The following FAM53A variants were observed in gnomAD, a reference collection of about 807,000 sequenced individuals.
FAM53A encodes family with sequence similarity 53 member A.
FAM53A carries 28 observed loss-of-function variants against 26.6 expected under a neutral mutation model. The ratio of observed to expected loss-of-function variants is 1.05; its 90% CI spans 0.78 to 1.45. The LOEUF (loss-of-function observed/expected upper bound fraction) is 1.45, where lower values mean the gene tolerates loss of function less well. FAM53A is among the 40% of genes most tolerant of loss of function. The pLI, the probability that FAM53A is intolerant of heterozygous loss-of-function variation, is 0.00. For synonymous variants in FAM53A, 290 were observed against 253.1 expected (o/e 1.15, Z -1.38); for missense variants, 650 against 575.8 (o/e 1.13, Z -1.32).
rs567920563 is a variant in FAM53A, at chr4:1,630,432, G to A, written c.432-12321C>T. Among the ~76,000 whole-genome samples the A allele has an allele frequency of 3.3e-5, 5 of 152,358 alleles. No homozygotes were observed. The highest frequency in any genetic ancestry group is 1.2e-4 in the African/African-American group (5 of 41,572). On this transcript the variant is annotated intron_variant, in intron 1 of 1. Transcript: ENST00000489029. The surrounding 1 kb of genome is among the most constrained non-coding windows in gnomAD (Gnocchi z 4.3). ...ATCAAACTCTACGGAAACAGGCCGC[G>A]TCTGTATGTGGCCAGTGGGCCGCGG... is the stretch of plus-strand genomic sequence containing the variant.
chr4:1,580,564 C>A, the FAM53A span, among the ~76,000 whole-genome samples: 1 of 148,700 alleles, frequency 6.7e-6, no homozygotes, highest in African/African-American at 2.5e-5. Context: ...CCCCACCTCC[C>A]GCCCTAGGCC....
chr4:1,621,235 C>T (rs1715018723), intron 1 of FAM53A, among the ~76,000 whole-genome samples: 1 of 151,270 alleles, frequency 6.6e-6, no homozygotes. Context: ...TCCCGCATAA[C>T]TGGGACTACA....
At chr4:1,615,484 G>A (rs1231003823), downstream of FAM53A, among the ~76,000 whole-genome samples, 4 of 135,042 alleles carry the variant, frequency 3.0e-5, no homozygotes, top group African/African-American at 1.2e-4. Flanking sequence ...ATGCAGCCAC[G>A]CCCACCTCAC....
At chr4:1,650,306 GAGGTGGCACAGGCATA>G (rs1167712852) in intron 4 of FAM53A, among the ~76,000 whole-genome samples, 12 of 144,660 alleles carry the variant, frequency 8.3e-5, no homozygotes, top group Non-Finnish European at 1.5e-5. Context: ...TGGTGTTTGT[GAGGTGGCACAGGCATA>G]GTGTTTGACT....
At chr4:1,644,306 G>A (rs776216638) in intron 4 of FAM53A, 32 of 1,535,846 alleles carry the variant, frequency 2.1e-5, no homozygotes, top group Middle Eastern at 1.7e-4. Context: ...CCGAGGCCTC[G>A]GACGCGGGAC....
At chr4:1,581,492 A>C in the FAM53A span, among the ~76,000 whole-genome samples, 1 of 152,236 alleles carries the variant, frequency 6.6e-6, no homozygotes, top group Non-Finnish European at 1.5e-5. Flanking sequence ...CTGTTACCTG[A>C]ATTTTCTCTT....
At chr4:1,635,284 G>GT (rs111704381), downstream of FAM53A, among the ~76,000 whole-genome samples, 144 of 151,314 alleles carry the variant, frequency 9.5e-4, 2 homozygotes, top group Non-Finnish European at 1.5e-3. Context: ...GTTTTGTTTT[G>GT]TTTTTTTGAG....
At position 1,659,526 on chromosome 4, in the gene FAM53A, A is replaced by G. The variant is rs1310440665; in HGVS notation, c.76-2058T>C. Among the ~76,000 whole-genome samples, 2 of 152,182 alleles carry G rather than the reference A, an allele frequency of 1.3e-5. No individual in the cohort carries two copies. On this transcript the variant is annotated intron_variant, in intron 2 of 4. Transcript: ENST00000308132. This position sits in a 1 kb window ranked among gnomAD's most constrained non-coding sequence, Gnocchi z 5.2. ...GAGCCACAGGCCCGCACGGTCCCAA[A>G]TGTGACCACCTCTATGCAAAGACAC...
At chr4:1,644,615 A>G in intron 4 of FAM53A, 1 of 433,330 alleles carries the variant, frequency 2.3e-6, no homozygotes. Flanking sequence ...TCCTGCTACC[A>G]TCACTCTGGT....
intron 4 of FAM53A, among the ~76,000 whole-genome samples, chr4:1,642,331 C>A (rs886658009): frequency 1.3e-5 from 2 of 152,156 alleles, no homozygotes; most frequent in Non-Finnish European, 2.9e-5. Context: ...GCTTCCAGTA[C>A]CCCCATGCCA....
intron 1 of FAM53A, among the ~76,000 whole-genome samples, chr4:1,629,379 G>T (rs755210574): frequency 6.6e-6 from 1 of 152,210 alleles, no homozygotes; most frequent in Non-Finnish European, 1.5e-5. Context: ...AGCTGGGCCC[G>T]CCAGGGAAAG....
chr4:1,622,348 G>GC (rs1715078812), intron 1 of FAM53A, among the ~76,000 whole-genome samples: 1 of 152,102 alleles, frequency 6.6e-6, no homozygotes, highest in African/African-American at 2.4e-5. Flanking sequence ...TGCAGCAGGA[G>GC]CCCCCCGGCT....
chr4:1,592,190 A>C, the FAM53A span, among the ~76,000 whole-genome samples: 1 of 152,032 alleles, frequency 6.6e-6, no homozygotes, highest in Non-Finnish European at 1.5e-5. Flanking sequence ...CCCACCTGAT[A>C]CCATCAAACA....
At chr4:1,610,373 G>A in the FAM53A span, among the ~76,000 whole-genome samples, 1 of 152,212 alleles carries the variant, frequency 6.6e-6, no homozygotes, top group African/African-American at 2.4e-5. Flanking sequence ...GGGAGCCCAA[G>A]GGGCAGACGG....
At chr4:1,610,156 A>G in the FAM53A span, among the ~76,000 whole-genome samples, 1 of 150,058 alleles carries the variant, frequency 6.7e-6, no homozygotes. Flanking sequence ...CTGCCAGCTC[A>G]GTGCCGAGGG....
chr4:1,586,507 G>A, the FAM53A span, among the ~76,000 whole-genome samples: 1 of 151,984 alleles, frequency 6.6e-6, no homozygotes. Flanking sequence ...CAGGCGCGGT[G>A]GCTCACACCT....
chr4:1,584,993 TTA>T, the FAM53A span, among the ~76,000 whole-genome samples: 2 of 152,228 alleles, frequency 1.3e-5, no homozygotes, highest in African/African-American at 4.8e-5. Flanking sequence ...CTGACTAAAA[TTA>T]TATATGTTTA....
chr4:1,645,762 G>T (rs1229689880), intron 4 of FAM53A, among the ~76,000 whole-genome samples: 1 of 152,212 alleles, frequency 6.6e-6, no homozygotes, highest in African/African-American at 2.4e-5. Flanking sequence ...CTGGAGAGAA[G>T]GTCTGAGAAA....
chr4:1,680,498 C>T (rs1457666067), intron 1 of FAM53A, among the ~76,000 whole-genome samples: 1 of 152,130 alleles, frequency 6.6e-6, no homozygotes, highest in Non-Finnish European at 1.5e-5. Flanking sequence ...GAACTAAAAA[C>T]TTATGTCCAC....
Sources: allele counts gnomAD v4.1 joint callset (sites outside exome capture counted in the v4.1 genomes callset), GRCh38; gene constraint gnomAD v4.1.1; non-coding constraint Gnocchi (gnomAD v3.1); transcripts MANE v1.5; gene names NCBI Gene and HGNC (gene_info 2026-07-23, HGNC 2026-07-21).